PEX14: variants seen among roughly 807,000 people sequenced by gnomAD.
PEX14 encodes peroxisomal biogenesis factor 14.
Under a neutral mutation model 49.5 loss-of-function variants are expected in PEX14, and 15 were observed. That is an observed-to-expected ratio of 0.30 (90% confidence interval 0.20 to 0.47). The LOEUF (loss-of-function observed/expected upper bound fraction) is 0.47, where lower values mean the gene tolerates loss of function less well. Among genes scored for constraint, PEX14 ranks in the 20% least tolerant of loss-of-function variants. The probability of loss-of-function intolerance (pLI) is 1.00; values close to 1 mark genes in which losing one functional copy is unlikely to be tolerated. For missense variants in PEX14, 398 were observed against 494.8 expected, an observed-to-expected ratio of 0.80 and a Z score of 1.86; for synonymous variants, 210 against 212.7, an observed-to-expected ratio of 0.99 and a Z score of 0.11.
At position 10,514,397 on chromosome 1, in the gene PEX14, G is replaced by A. The variant is rs1217645454; in HGVS notation, c.84+19076G>A. ...ATGCCATAGTGAGGTGTGCTATACT[G>A]TGTTGTTTGTGCACGTGTGTAACAA... On this transcript the variant is annotated intron_variant, in intron 2 of 8. Coordinates refer to ENST00000356607, the MANE Select transcript of PEX14 (RefSeq NM_004565.3). The surrounding 1 kb of genome is among the most constrained non-coding windows in gnomAD (Gnocchi z 4.4). Among the ~76,000 whole-genome samples the A allele has an allele frequency of 1.3e-5, 2 of 152,216 alleles. No individual in the cohort carries two copies. The highest frequency in any genetic ancestry group is 2.9e-5 in the Non-Finnish European group (2 of 68,042).
chr1:10,537,341 A>AACCCCCCCCCCCCCCCCC (rs1553187430), intron 3 of PEX14, among the ~76,000 whole-genome samples: 2 of 28,430 alleles, frequency 7.0e-5, no homozygotes, highest in African/African-American at 2.8e-4. Context: ...TTGTGCCAGC[A>AACCCCCCCCCCCCCCCCC]CCCCCCCCCC....
chr1:10,570,534 T>C (rs1639940864), intron 3 of PEX14, among the ~76,000 whole-genome samples: 1 of 152,180 alleles, frequency 6.6e-6, no homozygotes, highest in African/African-American at 2.4e-5. Context: ...GGTTTCACCA[T>C]GTTGGCCAGG....
Position 10,480,869 on chromosome 1 carries a change from A to AT in PEX14, c.36+5878dup, listed in dbSNP as rs1316827044. Among the ~76,000 whole-genome samples, 91 of 139,082 alleles carry AT rather than the reference A, an allele frequency of 6.5e-4. 1 individual carries two copies. The highest frequency in any genetic ancestry group is 1.3e-3 in the South Asian group (6 of 4,534). The allele number at this position is 139,082 out of a possible 152,430, so 91.2% of individuals were successfully genotyped here. A position where few individuals can be genotyped will look rare whatever the true frequency, so the allele number is the denominator to read the frequency against. On this transcript the variant is annotated intron_variant, in intron 1 of 8. Transcript: ENST00000356607. ...TCTCTCTCTCTCTCTCTATATATAT[A>AT]TTTTTTTTTTTGGAAGGATTTGTGG...
chr1:10,629,874 G>T lies in PEX14; in HGVS notation c.1021G>T (p.Asp341Tyr). ...DDDVSHVDEE[D>Y]CLGVQREDRR... is the part of the protein sequence containing the mutation. ...TGATGTGAGCCATGTGGACGAGGAG[G>T]ACTGCCTGGGGGTGCAGAGGGAGGA... The change falls in exon 9 of 9, where the codon GAC becomes TAC. Residue 341 changes from aspartate to tyrosine, a missense_variant. Asp to Tyr is a radical substitution (Grantham distance 160). Transcript: ENST00000356607. This position sits in a 1 kb window ranked among gnomAD's most constrained non-coding sequence, Gnocchi z 8.5. The T allele has an allele frequency of 2.5e-6, 4 of 1,612,814 alleles. No homozygotes were observed. Among genetic ancestry groups the T allele is most frequent in the Non-Finnish European group, 3.4e-6 (4 of 1,179,280 alleles).
intron 3 of PEX14, among the ~76,000 whole-genome samples, chr1:10,559,195 G>T (rs1639578511): frequency 6.6e-6 from 1 of 152,120 alleles, no homozygotes; most frequent in South Asian, 2.1e-4. Flanking sequence ...GAGTGCACAA[G>T]GAGGTACATT....
Position 10,514,117 on chromosome 1 carries a change from T to C in PEX14, c.84+18796T>C, listed in dbSNP as rs918834393. On this transcript the variant is annotated intron_variant, in intron 2 of 8. Transcript: ENST00000356607. This position sits in a 1 kb window ranked among gnomAD's most constrained non-coding sequence, Gnocchi z 4.4. Reference sequence around the variant, plus strand: ...AAAAAGAAGAAAGAAAAGAAGGAAATAGAAAAAAAGGAAAAAATGTATAAA... The same window carrying C: ...AAAAAGAAGAAAGAAAAGAAGGAAACAGAAAAAAAGGAAAAAATGTATAAA... Among the ~76,000 whole-genome samples, 1 of 106,252 alleles carries C rather than the reference T, an allele frequency of 9.4e-6. No individual in the cohort carries two copies. The highest frequency in any genetic ancestry group is 2.0e-5 in the Non-Finnish European group (1 of 49,884). The allele number at this position is 106,252 out of a possible 152,430, so 69.7% of individuals were successfully genotyped here.
At chr1:10,489,603 A>G (rs1384284962) in intron 1 of PEX14, among the ~76,000 whole-genome samples, 1 of 152,156 alleles carries the variant, frequency 6.6e-6, no homozygotes, top group Non-Finnish European at 1.5e-5. Flanking sequence ...GTTTCACCCT[A>G]TGCATGCACA....
At chr1:10,526,063 A>G (rs1638468568) in intron 2 of PEX14, among the ~76,000 whole-genome samples, 1 of 150,950 alleles carries the variant, frequency 6.6e-6, no homozygotes, top group Non-Finnish European at 1.5e-5. Context: ...CTGGGACTAT[A>G]GGTGCGTGCT....
chr1:10,545,696 A>G (rs1306937736), intron 3 of PEX14, among the ~76,000 whole-genome samples: 4 of 152,220 alleles, frequency 2.6e-5, no homozygotes, highest in African/African-American at 9.7e-5. Flanking sequence ...TGGTTTCTTT[A>G]TCTGTAAAAT....
chr1:10,600,142 G>A lies in PEX14; in HGVS notation c.298+776G>A, dbSNP rs1158305067. 3.3e-5 allele frequency among the ~76,000 whole-genome samples: 5 copies of A among 152,220 alleles called. No homozygotes were observed. In the East Asian group the frequency reaches 5.8e-4, roughly 18 times the overall value. ...CTTTAATGAAACTCAGCATTGGGCC[G>A]GGCACGTTGGCTCACGCCTCTAATC... On this transcript the variant is annotated intron_variant, in intron 4 of 8. Transcript: ENST00000356607.
At chr1:10,587,649 T>C (rs1640533731) in intron 3 of PEX14, among the ~76,000 whole-genome samples, 1 of 152,086 alleles carries the variant, frequency 6.6e-6, no homozygotes, top group African/African-American at 2.4e-5. Context: ...GTACAAGTGG[T>C]ATATTCAAGG....
chr1:10,542,798 A>G (rs1229297889), intron 3 of PEX14, among the ~76,000 whole-genome samples: 2 of 152,110 alleles, frequency 1.3e-5, no homozygotes, highest in African/African-American at 4.8e-5. Flanking sequence ...ATTAGCCCCA[A>G]ATTTGTGAGC....
chr1:10,592,333 C>T (rs1220860728), intron 3 of PEX14, among the ~76,000 whole-genome samples: 1 of 151,996 alleles, frequency 6.6e-6, no homozygotes, highest in African/African-American at 2.4e-5. Context: ...ATTTGTCCTG[C>T]TATTAATCCT....
At chr1:10,511,592 AC>A in intron 2 of PEX14, among the ~76,000 whole-genome samples, 1 of 152,286 alleles carries the variant, frequency 6.6e-6, no homozygotes, top group Non-Finnish European at 1.5e-5. Flanking sequence ...ACATCTGTGG[AC>A]TATGGACTCC....
chr1:10,500,232 G>A (rs1641647990), intron 2 of PEX14, among the ~76,000 whole-genome samples: 1 of 147,678 alleles, frequency 6.8e-6, no homozygotes, highest in Non-Finnish European at 1.5e-5. Flanking sequence ...GCAAAACCCC[G>A]TCTCTACTTA....
At position 10,486,500 on chromosome 1, in the gene PEX14, C is replaced by T. The variant is rs142638882; in HGVS notation, c.37-8774C>T. The stretch of plus-strand genomic sequence containing the variant: ...TTCGAGACCAGCCTGGGCAACATAG[C>T]GAGGCTCTGTCTCTATACAAATTTT... On this transcript the variant is annotated intron_variant, in intron 1 of 8. Transcript: ENST00000356607. Among the ~76,000 whole-genome samples the T allele has an allele frequency of 7.2e-3, 1,088 of 151,576 alleles. 7 individuals are homozygous for T. Among genetic ancestry groups the T allele is most frequent in the Admixed American group, 0.013 (194 of 15,172 alleles).
At chr1:10,486,648 T>C (rs183228732) in intron 1 of PEX14, among the ~76,000 whole-genome samples, 1 of 151,178 alleles carries the variant, frequency 6.6e-6, no homozygotes, top group Non-Finnish European at 1.5e-5. Context: ...ACCACTGCAC[T>C]ACAGGCACTA....
At chr1:10,600,607 C>T (rs1168461162) in intron 4 of PEX14, among the ~76,000 whole-genome samples, 1 of 150,260 alleles carries the variant, frequency 6.7e-6, no homozygotes, top group South Asian at 2.1e-4. Flanking sequence ...AATCCCAGCT[C>T]CTTAGGGGGC....
chr1:10,593,786 C>CTAAA (rs1640743262), intron 3 of PEX14, among the ~76,000 whole-genome samples: 1 of 152,156 alleles, frequency 6.6e-6, no homozygotes, highest in Non-Finnish European at 1.5e-5. Context: ...TACCGATCAG[C>CTAAA]TTTATGTTCA....
Sources: gnomAD v4.1 joint callset for allele counts (sites outside exome capture counted in the v4.1 genomes callset) on GRCh38, gnomAD v4.1.1 for gene constraint, Gnocchi (gnomAD v3.1) non-coding constraint, MANE v1.5 for transcripts, NCBI Gene and HGNC (gene_info 2026-07-23, HGNC 2026-07-21) for gene names.